The following ATOSA variants were observed in gnomAD, a reference collection of about 807,000 sequenced individuals.
The protein encoded by ATOSA is atos homolog protein A.
At chr15:52,646,576 C>T in the ATOSA span, among the ~76,000 whole-genome samples, 2 of 152,046 alleles carry the variant, frequency 1.3e-5, no homozygotes, top group Non-Finnish European at 1.5e-5. Context: ...CAGGGCAAAC[C>T]CATCTACAAG....
At chr15:52,594,538 A>G in the ATOSA span, among the ~76,000 whole-genome samples, 14 of 152,212 alleles carry the variant, frequency 9.2e-5, no homozygotes, top group African/African-American at 3.4e-4. Context: ...CATGATTCTA[A>G]AAGTTTGTGT....
the ATOSA span, chr15:52,610,494 A>C: frequency 8.5e-7 from 1 of 1,180,120 alleles, no homozygotes. Flanking sequence ...GTTTGCGTTA[A>C]TTACCACTGA....
the ATOSA span, among the ~76,000 whole-genome samples, chr15:52,664,165 A>C: frequency 2.0e-4 from 31 of 152,256 alleles, no homozygotes; most frequent in African/African-American, 7.0e-4. Context: ...ATGGACTGAC[A>C]GCATCTGCAG....
the ATOSA span, among the ~76,000 whole-genome samples, chr15:52,584,564 T>G: frequency 5.3e-5 from 8 of 152,102 alleles, no homozygotes; most frequent in Non-Finnish European, 1.2e-4. Context: ...ATTCAACAAG[T>G]AATGACCACC....
the ATOSA span, among the ~76,000 whole-genome samples, chr15:52,671,254 T>C: frequency 6.6e-6 from 1 of 152,248 alleles, no homozygotes; most frequent in Non-Finnish European, 1.5e-5. Context: ...TTATGGATAG[T>C]ATCCTTAACT....
the ATOSA span, among the ~76,000 whole-genome samples, chr15:52,619,770 G>A: frequency 6.6e-6 from 1 of 151,864 alleles, no homozygotes; most frequent in Non-Finnish European, 1.5e-5. Flanking sequence ...GGTGTAGGTT[G>A]CAGTGAACTG....
chr15:52,666,361 T>A, the ATOSA span, among the ~76,000 whole-genome samples: 1 of 152,220 alleles, frequency 6.6e-6, no homozygotes. Context: ...TGCTGACTTA[T>A]TCATCTGTAT....
the ATOSA span, among the ~76,000 whole-genome samples, chr15:52,688,464 A>G: frequency 6.6e-6 from 1 of 152,304 alleles, no homozygotes; most frequent in Middle Eastern, 3.4e-3. Context: ...GCTGTAGGGA[A>G]AGAGGTCAAT....
the ATOSA span, among the ~76,000 whole-genome samples, chr15:52,690,391 T>G: frequency 6.6e-6 from 1 of 152,226 alleles, no homozygotes; most frequent in African/African-American, 2.4e-5. Context: ...AAGCATGTGA[T>G]CTACATTTGT....
chr15:52,644,778 C>A, the ATOSA span, among the ~76,000 whole-genome samples: 419 of 152,234 alleles, frequency 2.8e-3, no homozygotes, highest in Non-Finnish European at 4.5e-3. Flanking sequence ...TAAATCTCTA[C>A]ATCAAGGGCA....
chr15:52,701,595 T>C, the ATOSA span, among the ~76,000 whole-genome samples: 1 of 152,180 alleles, frequency 6.6e-6, no homozygotes, highest in Admixed American at 6.5e-5. Flanking sequence ...ATCAGAAATC[T>C]AAATGTGAAA....
chr15:52,680,741 G>A, the ATOSA span, among the ~76,000 whole-genome samples: 14 of 152,296 alleles, frequency 9.2e-5, no homozygotes, highest in Middle Eastern at 3.4e-3. Flanking sequence ...GCATCATGAC[G>A]ATGAAACTGA....
At chr15:52,606,973 T>C in the ATOSA span, among the ~76,000 whole-genome samples, 1 of 152,200 alleles carries the variant, frequency 6.6e-6, no homozygotes, top group Non-Finnish European at 1.5e-5. Context: ...AATTAAAAGG[T>C]GGTTTGGTAG....
the ATOSA span, among the ~76,000 whole-genome samples, chr15:52,670,402 C>T: frequency 2.6e-5 from 4 of 152,138 alleles, no homozygotes; most frequent in Admixed American, 6.5e-5. Context: ...AAAACAAAAC[C>T]GTTGTTCAGA....
chr15:52,616,451 T>G, the ATOSA span, among the ~76,000 whole-genome samples: 1 of 152,212 alleles, frequency 6.6e-6, no homozygotes, highest in South Asian at 2.1e-4. Flanking sequence ...GTGTGACCCC[T>G]GGTTGGAAGT....
chr15:52,619,386 A>C, the ATOSA span, among the ~76,000 whole-genome samples: 690 of 152,330 alleles, frequency 4.5e-3, 7 homozygotes, highest in African/African-American at 0.016. Flanking sequence ...AAGAGAATTC[A>C]ATAGATCTAA....
the ATOSA span, among the ~76,000 whole-genome samples, chr15:52,597,522 CT>C: frequency 3.3e-5 from 5 of 152,168 alleles, no homozygotes; most frequent in East Asian, 7.7e-4. Context: ...AAGCCACCCC[CT>C]AAGAGTAAAT....
the ATOSA span, chr15:52,611,395 T>C: frequency 1.9e-5 from 23 of 1,241,956 alleles, no homozygotes; most frequent in Non-Finnish European, 2.3e-5. Context: ...ACGATGTCAC[T>C]TGAAGTCACA....
the ATOSA span, among the ~76,000 whole-genome samples, chr15:52,694,748 A>G: frequency 6.6e-6 from 1 of 152,108 alleles, no homozygotes; most frequent in African/African-American, 2.4e-5. Context: ...CAATGCCAAA[A>G]TACAATGTTT....
Sources: gnomAD v4.1 joint callset for allele counts (sites outside exome capture counted in the v4.1 genomes callset) on GRCh38, gnomAD v4.1.1 for gene constraint, MANE v1.5 for transcripts, NCBI Gene and HGNC (gene_info 2026-07-23, HGNC 2026-07-21) for gene names.